CCDC88B: variants seen among roughly 807,000 people sequenced by gnomAD.
The protein encoded by CCDC88B is coiled-coil domain-containing protein 88B.
A neutral mutation model predicts 183.7 loss-of-function variants in CCDC88B; 138 were observed. The ratio of observed to expected loss-of-function variants is 0.75; its 90% CI spans 0.65 to 0.87. The LOEUF is 0.87. Among genes scored for constraint, CCDC88B ranks in the 40% least tolerant of loss-of-function variants. CCDC88B has a pLI of 0.00. For missense variants in CCDC88B, 1,822 were observed against 1,965.6 expected (o/e 0.93, Z 1.38); for synonymous variants, 835 against 867.5 (o/e 0.96, Z 0.66).
In CCDC88B at chr11:64,355,645, GGA is replaced by G. The variant is rs2036526270; in HGVS notation, c.4375+18_4375+19del. 6.9e-6 allele frequency: 11 copies of G among 1,600,848 alleles called. No homozygotes were observed. The highest frequency in any genetic ancestry group is 9.4e-6 in the Non-Finnish European group (11 of 1,174,456). On this transcript the variant is annotated intron_variant, in intron 26 of 26. Transcript: ENST00000356786. ...ACCGAGAGGGTGAGTGGGGGACTGT[GGA>G]AGGAGTAGTATTCTTTGTCCTGCCT...
intron 18 of CCDC88B, 84 bp from the exon 19 acceptor site, chr11:64,352,046 G>A (rs544109568): frequency 5.3e-6 from 8 of 1,497,242 alleles, no homozygotes; most frequent in South Asian, 2.7e-5. Flanking sequence ...GGGCCCTACC[G>A]TCTGCCCTTA....
At chr11:64,349,084 C>T in intron 14 of CCDC88B, 1 of 716,360 alleles carries the variant, frequency 1.4e-6, no homozygotes, top group South Asian at 1.5e-5. Context: ...GTGTCACCTA[C>T]CGACTCCCAG....
In CCDC88B at chr11:64,353,754, C is replaced by T. The variant is rs774404257; in HGVS notation, c.3873C>T (p.Leu1291=). 5 of 1,614,122 alleles carry T rather than the reference C, an allele frequency of 3.1e-6. No individual in the cohort carries two copies. Among genetic ancestry groups the T allele is most frequent in the Admixed American group, 1.7e-5 (1 of 60,026 alleles). Residue 1291 remains leucine (L), a synonymous_variant, in exon 23 of 27, where the codon CTC becomes CTT. Transcript: ENST00000356786. ...CCCTGCGCCGCGAGAAGCAGAAGCT[C>T]GTGGAGAAGATCATGGACCAATACC... is the stretch of plus-strand genomic sequence containing the variant. ...LNALRREKQK[L]VEKIMDQYRV... is the part of the protein sequence containing the mutation.
chr11:64,351,625 T>C lies in CCDC88B; in HGVS notation c.3099+9T>C, dbSNP rs1340794417. ...ACAGCAGCCGCCTGCAGGTGGGTGGTGGCCCGGGTGCCCATCCCTGCCCAT... is the reference window on the plus strand; with the variant it reads ...ACAGCAGCCGCCTGCAGGTGGGTGGCGGCCCGGGTGCCCATCCCTGCCCAT... On this transcript the variant is annotated intron_variant, in intron 18 of 26. Transcript: ENST00000356786. The C allele has an allele frequency of 1.3e-6, 2 of 1,555,128 alleles. No individual in the cohort carries two copies. The highest frequency in any genetic ancestry group is 1.7e-6 in the Non-Finnish European group (2 of 1,158,208).
intron 20 of CCDC88B, 79 bp downstream of exon 20, chr11:64,352,966 G>A: frequency 6.7e-7 from 1 of 1,502,476 alleles, no homozygotes; most frequent in Non-Finnish European, 8.9e-7. Context: ...GGTCCTGTCT[G>A]GCCTCCCCTC....
At chr11:64,351,335 G>A in intron 17 of CCDC88B, 80 bp downstream of exon 17, 1 of 1,505,756 alleles carries the variant, frequency 6.6e-7, no homozygotes, top group Non-Finnish European at 9.0e-7. Flanking sequence ...CCTGGGCTGG[G>A]GGGTATCCCG....
intron 14 of CCDC88B, among the ~76,000 whole-genome samples, chr11:64,348,107 T>C (rs2036187113): frequency 6.9e-6 from 1 of 145,474 alleles, no homozygotes; most frequent in South Asian, 2.2e-4. Context: ...TGTAAGATAA[T>C]GAGCGTAGGG....
chr11:64,347,040 C>T (rs543353199), intron 14 of CCDC88B, among the ~76,000 whole-genome samples: 18 of 152,204 alleles, frequency 1.2e-4, no homozygotes, highest in East Asian at 7.7e-4. Context: ...GTGATCTGCC[C>T]GCCTCGGCCT....
At position 64,352,767 on chromosome 11, in the gene CCDC88B, G is replaced by A. The variant is rs772406820; in HGVS notation, c.3380G>A (p.Arg1127Gln). 14 of 1,613,390 alleles carry A rather than the reference G, an allele frequency of 8.7e-6. No homozygotes were observed. Among genetic ancestry groups the A allele is most frequent in the Admixed American group, 1.7e-5 (1 of 60,004 alleles). Reference protein sequence around the residue: ...QGRHEQLQAQRASVEAQEVAL... With the variant: ...QGRHEQLQAQQASVEAQEVAL... Reference sequence around the variant, plus strand: ...AGGCACGAGCAGCTGCAGGCCCAGCGGGCCAGCGTGGAGGCACAGGAGGTG... The same window carrying A: ...AGGCACGAGCAGCTGCAGGCCCAGCAGGCCAGCGTGGAGGCACAGGAGGTG... The change falls in exon 20 of 27, where the codon CGG becomes CAG. Residue 1127 changes from arginine (R) to glutamine (Q), a missense_variant. Coordinates refer to ENST00000356786, the MANE Select transcript of CCDC88B (RefSeq NM_032251.6).
rs753504653 is a variant in CCDC88B, at chr11:64,355,586, G to A, written c.4333G>A (p.Ala1445Thr). The A allele has an allele frequency of 1.8e-5, 29 of 1,612,668 alleles. No homozygotes were observed. The highest frequency in any genetic ancestry group is 6.7e-5 in the African/African-American group (5 of 74,846). ...ACCTGGTGTGGGATGGGAGAACTCC[G>A]CTGAGACCCTGCAGGAACACGAAAC... ...KGPGVGWENS[A>T]ETLQEHETDA... The change falls in exon 26 of 27, where the codon GCT (alanine) becomes ACT (threonine). Residue 1445 changes from alanine (A) to threonine (T), a missense_variant. By Grantham distance (58) the Ala-to-Thr change is moderately conservative (BLOSUM62 0). Transcript: ENST00000356786.
intron 18 of CCDC88B, 23 bp from the exon 19 acceptor site, chr11:64,352,107 C>T: frequency 6.6e-7 from 1 of 1,522,326 alleles, no homozygotes; most frequent in South Asian, 1.3e-5. Context: ...CCCAGCAGCC[C>T]CTGCTTCCCT....
intron 12 of CCDC88B, 69 bp downstream of exon 12, chr11:64,343,684 C>A (rs1565396675): frequency 3.3e-6 from 5 of 1,533,824 alleles, no homozygotes; most frequent in Non-Finnish European, 4.4e-6. Flanking sequence ...CTGGGGAGAG[C>A]CTCTGACTCC....
chr11:64,341,386 A>G, intron 5 of CCDC88B, 35 bp from the exon 6 acceptor site: 1 of 1,613,728 alleles, frequency 6.2e-7, no homozygotes, highest in Non-Finnish European at 8.5e-7. Context: ...GAGGAGGGAG[A>G]TCCTGCACCA....
At position 64,342,647 on chromosome 11, in the gene CCDC88B, G is replaced by A. The variant is rs2035925065; in HGVS notation, c.1029G>A (p.Leu343=). The change falls in exon 10 of 27, where the codon CTG becomes CTA. Residue 343 remains leucine, a synonymous_variant. Transcript: ENST00000356786. The part of the protein sequence containing the change: ...QEELRRCRER[L]QAAEAYKSQL... ...AGCTGAGGCGCTGCCGCGAGCGGCTGCAGGCGGCTGAGGCCTACAAGAGTC... is the reference window on the plus strand; with the variant it reads ...AGCTGAGGCGCTGCCGCGAGCGGCTACAGGCGGCTGAGGCCTACAAGAGTC... The A allele has an allele frequency of 1.3e-6, 2 of 1,520,192 alleles. No homozygotes were observed. The highest frequency in any genetic ancestry group is 1.4e-5 in the African/African-American group (1 of 72,154). 94.2% of individuals were successfully genotyped at this position (1,520,192 alleles called of 1,614,324 possible).
chr11:64,356,678 C>A, intron 26 of CCDC88B: 1 of 337,800 alleles, frequency 3.0e-6, no homozygotes, highest in Non-Finnish European at 5.4e-6. Flanking sequence ...AGCCCTAGAC[C>A]CGGCTGGACC....
chr11:64,341,747 G>T lies in CCDC88B; in HGVS notation c.675+5G>T. ...GAGCGTGACCTGGGGGCCCAGGTAGGGGCAGCAGGGGCATCGTGGACTCAG... is the reference window on the plus strand; with the variant it reads ...GAGCGTGACCTGGGGGCCCAGGTAGTGGCAGCAGGGGCATCGTGGACTCAG... On this transcript the variant is annotated splice_donor_5th_base_variant and intron_variant, in intron 7 of 26. Transcript: ENST00000356786. 1.3e-6 allele frequency: 2 copies of T among 1,553,356 alleles called. No individual in the cohort carries two copies. Among genetic ancestry groups the T allele is most frequent in the Middle Eastern group, 3.5e-4 (2 of 5,744 alleles).
At position 64,355,374 on chromosome 11, in the gene CCDC88B, TG is replaced by T; in HGVS notation, c.4285del (p.Ala1429ArgfsTer180). On this transcript the variant is annotated frameshift_variant, in exon 25 of 27. Transcript: ENST00000356786. LOFTEE classifies it high-confidence loss of function. ...TTCCGACAGCGCCATCCAGGCCCCC[TG>T]GGGGCGCCCGTCTCCCACAGCAAAG... ...QRFRQRHPGP[L>X]GAPVSHSKGP... 1 of 1,589,138 alleles carries T rather than the reference TG, an allele frequency of 6.3e-7. No homozygotes were observed. The highest frequency in any genetic ancestry group is 1.8e-5 in the Admixed American group (1 of 56,442).
chr11:64,353,616 GCGGCA>G, intron 22 of CCDC88B, 94 bp from the exon 23 acceptor site: 1 of 1,579,226 alleles, frequency 6.3e-7, no homozygotes, highest in Non-Finnish European at 8.6e-7. Flanking sequence ...AGTCCAATCT[GCGGCA>G]CGGGACCAGT....
rs1361843808 is a variant in CCDC88B, at chr11:64,352,956, G to C, written c.3500+69G>C. The C allele has an allele frequency of 2.2e-5, 33 of 1,505,952 alleles. No homozygotes were observed. The East Asian group carries it at 4.4e-4, about 20-fold the overall frequency. The allele number at this position is 1,505,952 out of a possible 1,614,324, so 93.3% of individuals were successfully genotyped here. On this transcript the variant is annotated intron_variant, in intron 20 of 26. Coordinates refer to ENST00000356786, the MANE Select transcript of CCDC88B (RefSeq NM_032251.6). ...TCCTGAAAGTGGGTTGGGGGTGTGG[G>C]GTCCTGTCTGGCCTCCCCTCCCCGG...
Sources: gnomAD v4.1 joint callset for allele counts (sites outside exome capture counted in the v4.1 genomes callset) on GRCh38, gnomAD v4.1.1 for gene constraint, MANE v1.5 for transcripts, NCBI Gene and HGNC (gene_info 2026-07-23, HGNC 2026-07-21) for gene names.